Variants in VWF observed in about 807,000 individuals in gnomAD.
The protein encoded by VWF is Factor VIII related antigen.
Under a neutral mutation model 308.6 loss-of-function variants are expected in VWF, and 176 were observed. That is an observed-to-expected ratio of 0.57 (90% confidence interval 0.50 to 0.65). The LOEUF is 0.65. VWF is among the 30% of genes least tolerant of loss of function. VWF has a pLI of 0.00. For missense variants in VWF, 3,146 were observed against 3,648.2 expected (o/e 0.86, Z 3.55); for synonymous variants, 1,385 against 1,443.4 (o/e 0.96, Z 0.92).
rs1944681717 is a variant in VWF, at chr12:6,063,681, T to C, written c.1432+565A>G. On this transcript the variant is annotated intron_variant, in intron 12 of 51. Transcript: ENST00000261405. The surrounding 1 kb of genome is among the most constrained non-coding windows in gnomAD (Gnocchi z 4.9). The stretch of plus-strand genomic sequence containing the variant: ...CAGTTGTGGAGAAGAAGGAAGAGTC[T>C]GAGAGCCACTTTGAGTGTGAAGTTT... Among the ~76,000 whole-genome samples, 1 of 152,216 alleles carries C rather than the reference T, an allele frequency of 6.6e-6. No homozygotes were observed.
chr12:5,966,985 G>C (rs1343935215), intron 47 of VWF, among the ~76,000 whole-genome samples: 1 of 152,204 alleles, frequency 6.6e-6, no homozygotes, highest in Non-Finnish European at 1.5e-5. Context: ...GAAGTATTCA[G>C]AACAAGCATC....
chr12:6,092,620 T>TGAGAGTGAGAGAGAGAGA lies in VWF; in HGVS notation c.657+2839_657+2840insTCTCTCTCTCTCACTCTC, dbSNP rs1250915385. Among the ~76,000 whole-genome samples, 97 of 89,694 alleles carry TGAGAGTGAGAGAGAGAGA rather than the reference T, an allele frequency of 1.1e-3. 2 individuals are homozygous for TGAGAGTGAGAGAGAGAGA. Among genetic ancestry groups the TGAGAGTGAGAGAGAGAGA allele is most frequent in the African/African-American group, 4.8e-3 (81 of 16,796 alleles). The allele number at this position is 89,694 out of a possible 152,430, so 58.8% of individuals were successfully genotyped here. On this transcript the variant is annotated intron_variant, in intron 6 of 51. Coordinates refer to ENST00000261405, the MANE Select transcript of VWF (RefSeq NM_000552.5). Reference sequence around the variant, plus strand: ...CAGCTAGTTAGTGAGTGAGTGAGAGTGTGTGTGTGTGTGTGTGTGTGTGTG... The same window carrying TGAGAGTGAGAGAGAGAGA: ...CAGCTAGTTAGTGAGTGAGTGAGAGTGAGAGTGAGAGAGAGAGAGTGTGTGTGTGTGTGTGTGTGTGTG...
intron 6 of VWF, among the ~76,000 whole-genome samples, chr12:6,078,275 T>G (rs1295523106): frequency 6.6e-6 from 1 of 152,226 alleles, no homozygotes; most frequent in Non-Finnish European, 1.5e-5. Context: ...GTATTCATCT[T>G]TCATTTGGGA....
At position 6,103,481 on chromosome 12, in the gene VWF, T is replaced by TAC. The variant is rs1348792492; in HGVS notation, c.532+6891_532+6892dup. Among the ~76,000 whole-genome samples the TAC allele has an allele frequency of 5.2e-5, 7 of 135,334 alleles. 1 individual carries two copies. The highest frequency in any genetic ancestry group is 1.7e-4 in the African/African-American group (5 of 30,218). 88.8% of individuals were successfully genotyped at this position (135,334 alleles called of 152,430 possible). ...GTGTATATACACATATGTGTGTATA[T>TAC]ACATATATGTGTATACACACACGTA... On this transcript the variant is annotated intron_variant, in intron 5 of 51. Transcript: ENST00000261405.
chr12:5,948,927 A>G lies in VWF; in HGVS notation c.*88T>C, dbSNP rs1379849638. On this transcript the variant is annotated 3_prime_UTR_variant, in exon 52 of 52. Coordinates refer to ENST00000261405, the MANE Select transcript of VWF (RefSeq NM_000552.5). This position sits in a 1 kb window ranked among gnomAD's most constrained non-coding sequence, Gnocchi z 4.4. ...TATTGTGGGCTCAGAAGGGCACAAG[A>G]GCAGAACATGCAGAGGACTGGCAGC... 2 of 1,451,786 alleles carry G rather than the reference A, an allele frequency of 1.4e-6. No homozygotes were observed. The highest frequency in any genetic ancestry group is 1.9e-6 in the Non-Finnish European group (2 of 1,056,414). The allele number at this position is 1,451,786 out of a possible 1,614,324, so 89.9% of individuals were successfully genotyped here. A position where few individuals can be genotyped will look rare whatever the true frequency, so the allele number is the denominator to read the frequency against.
chr12:6,082,305 T>C (rs537664228), intron 6 of VWF, among the ~76,000 whole-genome samples: 1 of 152,356 alleles, frequency 6.6e-6, no homozygotes. Flanking sequence ...GAGCTTGTTA[T>C]TTTAAAATGA....
intron 42 of VWF, 138 bp from the exon 43 acceptor site, chr12:5,976,398 G>T: frequency 9.1e-7 from 1 of 1,100,726 alleles, no homozygotes; most frequent in Non-Finnish European, 1.3e-6. Context: ...CCGCCCATAT[G>T]CAGGGCTGCT....
At chr12:6,015,697 T>C (rs1383296179) in intron 31 of VWF, among the ~76,000 whole-genome samples, 1 of 152,176 alleles carries the variant, frequency 6.6e-6, no homozygotes. Context: ...GAAAGGACTC[T>C]AAATACATGA....
At chr12:6,039,273 TCAGGC>T (rs1944370934) in intron 18 of VWF, among the ~76,000 whole-genome samples, 3 of 151,964 alleles carry the variant, frequency 2.0e-5, no homozygotes, top group Admixed American at 6.6e-5. Context: ...CCGAAAGGGG[TCAGGC>T]TGAGAACGTG....
chr12:6,015,705 T>C (rs894484726), intron 31 of VWF, among the ~76,000 whole-genome samples: 1 of 152,114 alleles, frequency 6.6e-6, no homozygotes, highest in Non-Finnish European at 1.5e-5. Flanking sequence ...TCTAAATACA[T>C]GAAAGCCCCC....
chr12:6,040,923 A>G (rs145428832), intron 18 of VWF, among the ~76,000 whole-genome samples: 2 of 152,312 alleles, frequency 1.3e-5, no homozygotes, highest in African/African-American at 4.8e-5. Flanking sequence ...GAGGCACCTT[A>G]GAGGAGGAGA....
At chr12:6,071,178 T>C (rs1944775878) in intron 10 of VWF, 119 bp downstream of exon 10, 1 of 1,215,482 alleles carries the variant, frequency 8.2e-7, no homozygotes, top group Non-Finnish European at 1.2e-6. Context: ...GCAGCCAACC[T>C]GTGCAGAGAG....
chr12:5,974,251 C>G lies in VWF; in HGVS notation c.7437+1860G>C, dbSNP rs150903726. Among the ~76,000 whole-genome samples, 4 of 152,242 alleles carry G rather than the reference C, an allele frequency of 2.6e-5. No individual in the cohort carries two copies. In the East Asian group the frequency reaches 7.7e-4, roughly 29 times the overall value. ...CCACCTCACTCAACACAGTACAGAT[C>G]GAAGCCCAGCCTCCCACGTCCCCTG... On this transcript the variant is annotated intron_variant, in intron 43 of 51. Coordinates refer to ENST00000261405, the MANE Select transcript of VWF (RefSeq NM_000552.5).
At chr12:5,995,981 T>C (rs1253727863) in intron 35 of VWF, 21 bp downstream of exon 35, 1 of 1,609,632 alleles carries the variant, frequency 6.2e-7, no homozygotes, top group Admixed American at 1.7e-5. Flanking sequence ...TTACCACGGA[T>C]CCACAGAAAG....
chr12:6,057,150 G>T lies in VWF; in HGVS notation c.1730-78C>A. 2.2e-6 allele frequency: 3 copies of T among 1,351,304 alleles called. No homozygotes were observed. The South Asian group carries it at 4.0e-5, about 18-fold the overall frequency. The allele number at this position is 1,351,304 out of a possible 1,614,324, so 83.7% of individuals were successfully genotyped here. Reference sequence around the variant, plus strand: ...CGCCCTCCCGGTCAACACTCCCCTGGAAATAGCCCAGTGCTGCTAATAGAG... The same window carrying T: ...CGCCCTCCCGGTCAACACTCCCCTGTAAATAGCCCAGTGCTGCTAATAGAG... On this transcript the variant is annotated intron_variant, in intron 14 of 51. Coordinates refer to ENST00000261405, the MANE Select transcript of VWF (RefSeq NM_000552.5).
At chr12:6,081,477 T>C (rs1236724533) in intron 6 of VWF, among the ~76,000 whole-genome samples, 1 of 152,120 alleles carries the variant, frequency 6.6e-6, no homozygotes, top group Non-Finnish European at 1.5e-5. Context: ...GTAGCTGGGA[T>C]TACAGGTACG....
intron 14 of VWF, among the ~76,000 whole-genome samples, chr12:6,057,311 A>ATTTTT (rs1250165048): frequency 7.7e-6 from 1 of 129,428 alleles, no homozygotes; most frequent in Non-Finnish European, 1.6e-5. Flanking sequence ...GGACTATGGA[A>ATTTTT]TTTTTTTTTT....
At chr12:6,101,124 A>G (rs1945157324) in intron 5 of VWF, among the ~76,000 whole-genome samples, 2 of 152,242 alleles carry the variant, frequency 1.3e-5, no homozygotes, top group Admixed American at 6.5e-5. Context: ...AGAAACCTCT[A>G]TTGATGGTGG....
At chr12:5,963,862 CA>C (rs1943346875) in intron 47 of VWF, among the ~76,000 whole-genome samples, 1 of 152,084 alleles carries the variant, frequency 6.6e-6, no homozygotes, top group South Asian at 2.1e-4. Context: ...ACAGGGCTGG[CA>C]ACTTTTTATT....
Sources: allele counts gnomAD v4.1 joint callset (sites outside exome capture counted in the v4.1 genomes callset), GRCh38; gene constraint gnomAD v4.1.1; non-coding constraint Gnocchi (gnomAD v3.1); transcripts MANE v1.5; gene names NCBI Gene and HGNC (gene_info 2026-07-23, HGNC 2026-07-21).